CNN1: variants seen among roughly 807,000 people sequenced by gnomAD.
CNN1 encodes calponin-1.
In CNN1, 21 loss-of-function variants were observed where a neutral mutation model predicts 35.3. The ratio of observed to expected loss-of-function variants is 0.60; its 90% CI spans 0.42 to 0.86. CNN1 has a LOEUF of 0.86. CNN1 is among the 40% of genes least tolerant of loss of function. CNN1 has a pLI of 0.00. For missense variants in CNN1, 314 were observed against 400.8 expected (o/e 0.78, Z 1.85); for synonymous variants, 164 against 161.8 (o/e 1.01, Z -0.10).
At chr19:11,547,762 C>A (rs776731684) in intron 4 of CNN1, 35 bp from the exon 5 acceptor site, 2 of 1,570,994 alleles carry the variant, frequency 1.3e-6, no homozygotes, top group South Asian at 2.2e-5. Context: ...CCTGGAGGCC[C>A]CCTTGTCAGT....
rs372864211 is a variant in CNN1 at position 11,549,601 on chromosome 19, G to C, written c.700G>C (p.Gly234Arg). 3 of 1,607,302 alleles carry C rather than the reference G, an allele frequency of 1.9e-6. No homozygotes were observed. In the African/African-American group the frequency reaches 4.0e-5, roughly 21 times the overall value. Residue 234 changes from glycine to arginine, a missense_variant, in exon 7 of 7, where the codon GGC becomes CGC. Coordinates refer to ENST00000252456, the MANE Select transcript of CNN1 (RefSeq NM_001299.6). This position sits in a 1 kb window ranked among gnomAD's most constrained non-coding sequence, Gnocchi z 5.2. ...GCGGCAGATCTTCGAGCCGGGGCTGGGCATGGAGCACTGCGACACGCTCAA... is the reference window on the plus strand; with the variant it reads ...GCGGCAGATCTTCGAGCCGGGGCTGCGCATGGAGCACTGCGACACGCTCAA... ...TKRQIFEPGL[G>R]MEHCDTLNVS...
In CNN1 at chr19:11,546,989, G is replaced by A. The variant is rs750411058; in HGVS notation, c.390+20G>A. ...AGCATGGTGAGTGTGGTTGCAGGCT[G>A]GGCAGGGGGTGGTGGGCAGCCTGGG... On this transcript the variant is annotated intron_variant, in intron 4 of 6. Coordinates refer to ENST00000252456, the MANE Select transcript of CNN1 (RefSeq NM_001299.6). The A allele has an allele frequency of 1.2e-6, 2 of 1,613,674 alleles. No individual in the cohort carries two copies. Among genetic ancestry groups the A allele is most frequent in the Non-Finnish European group, 1.7e-6 (2 of 1,179,660 alleles).
At position 11,541,213 on chromosome 19, in the gene CNN1, G is replaced by A. The variant is rs758511458; in HGVS notation, c.185+16G>A. ...TTCTTTGCGAGTGAGTGAGGCTCTC[G>A]AAGCCGAGACCCTGCAACATCCCCC... On this transcript the variant is annotated intron_variant, in intron 2 of 6. Coordinates refer to ENST00000252456, the MANE Select transcript of CNN1 (RefSeq NM_001299.6). The A allele has an allele frequency of 2.0e-5, 31 of 1,544,230 alleles. No homozygotes were observed. In the South Asian group the frequency reaches 3.0e-4, roughly 15 times the overall value.
chr19:11,538,937 G>A lies in CNN1; in HGVS notation c.10G>A (p.Ala4Thr). The change falls in exon 1 of 7, where the codon GCT becomes ACT. Residue 4 changes from alanine to threonine, a missense_variant. By Grantham distance (58) the Ala-to-Thr change is moderately conservative. Transcript: ENST00000252456. MSSAHFNRGPAYGL... is the reference protein window; with the variant it reads MSSTHFNRGPAYGL... ...GAGCCCACCGGCCAGCATGTCCTCT[G>A]CTCACTTCAACCGAGGCCCTGCCTA... The A allele has an allele frequency of 6.3e-7, 1 of 1,592,818 alleles. No homozygotes were observed. The highest frequency in any genetic ancestry group is 1.4e-5 in the African/African-American group (1 of 73,986).
At chr19:11,543,640 G>A (rs142993208) in intron 2 of CNN1, among the ~76,000 whole-genome samples, 73 of 150,268 alleles carry the variant, frequency 4.9e-4, no homozygotes, top group African/African-American at 1.7e-3. Flanking sequence ...AAAATTAGCC[G>A]GGCGTGGTGG....
At position 11,549,870 on chromosome 19, in the gene CNN1, C is replaced by T. The variant is rs1972682818; in HGVS notation, c.*75C>T. On this transcript the variant is annotated 3_prime_UTR_variant, in exon 7 of 7. Transcript: ENST00000252456. This position sits in a 1 kb window ranked among gnomAD's most constrained non-coding sequence, Gnocchi z 5.2. ...TTGGCTGGACCCAGCCAGGCCCAGC[C>T]GACCCCCTCTCCCTGCATGGCATCC... 9 of 1,533,720 alleles carry T rather than the reference C, an allele frequency of 5.9e-6. No homozygotes were observed. Among genetic ancestry groups the T allele is most frequent in the African/African-American group, 2.7e-5 (2 of 72,806 alleles).
At position 11,549,567 on chromosome 19, in the gene CNN1, A is replaced by T. The variant is rs200035370; in HGVS notation, c.666A>T (p.Pro222=). ...KGASQAGMTA[P]GTKRQIFEPG... is the part of the protein sequence containing the mutation. ...CTTCGCAGGCTGGCATGACTGCGCC[A>T]GGGACCAAGCGGCAGATCTTCGAGC... Residue 222 remains proline (P), a synonymous_variant, in exon 7 of 7, where the codon CCA becomes CCT. Transcript: ENST00000252456. This position sits in a 1 kb window ranked among gnomAD's most constrained non-coding sequence, Gnocchi z 5.2. 6.3e-7 allele frequency: 1 copy of T among 1,599,692 alleles called. No homozygotes were observed. Among genetic ancestry groups the T allele is most frequent in the South Asian group, 1.1e-5 (1 of 90,004 alleles).
rs147229692 is a variant in CNN1, at chr19:11,549,385, C to G, written c.564C>G (p.Leu188=). ...CGGCCTATGGCACCCGGCGCCACCT[C>G]TACGACCCCAAGCTGGGCACAGACC... ...GMTAYGTRRH[L]YDPKLGTDQP... is the part of the protein sequence containing the mutation. The change falls in exon 6 of 7, where the codon CTC becomes CTG. Residue 188 remains leucine, a synonymous_variant. Coordinates refer to ENST00000252456, the MANE Select transcript of CNN1 (RefSeq NM_001299.6). The surrounding 1 kb of genome is among the most constrained non-coding windows in gnomAD (Gnocchi z 5.2). 28 of 1,613,930 alleles carry G rather than the reference C, an allele frequency of 1.7e-5. No individual in the cohort carries two copies. The highest frequency in any genetic ancestry group is 2.2e-5 in the East Asian group (1 of 44,880).
intron 1 of CNN1, chr19:11,539,913 C>A: frequency 8.9e-7 from 1 of 1,118,964 alleles, no homozygotes; most frequent in Non-Finnish European, 1.1e-6. Flanking sequence ...CGCGCAGAGA[C>A]GCCGCGCCTT....
At chr19:11,540,082 T>A (rs1318336945) in intron 1 of CNN1, 1 of 1,021,932 alleles carries the variant, frequency 9.8e-7, no homozygotes, top group African/African-American at 1.8e-5. Flanking sequence ...GGCAGCCCGG[T>A]CCCCTAGGGG....
At position 11,538,967 on chromosome 19, in the gene CNN1, C is replaced by T; in HGVS notation, c.40C>T (p.Leu14=). The T allele has an allele frequency of 6.3e-7, 1 of 1,596,306 alleles. No individual in the cohort carries two copies. The highest frequency in any genetic ancestry group is 8.5e-7 in the Non-Finnish European group (1 of 1,169,990). ...AHFNRGPAYG[L]SAEVKNKLAQ... is the part of the protein sequence containing the mutation. Reference sequence around the variant, plus strand: ...CTTCAACCGAGGCCCTGCCTACGGGCTGTCAGCCGAGGTTAAGAACAAGGT... The same window carrying T: ...CTTCAACCGAGGCCCTGCCTACGGGTTGTCAGCCGAGGTTAAGAACAAGGT... The change falls in exon 1 of 7, where the codon CTG becomes TTG. Residue 14 remains leucine (L), a synonymous_variant. Coordinates refer to ENST00000252456, the MANE Select transcript of CNN1 (RefSeq NM_001299.6).
intron 1 of CNN1, chr19:11,540,787 C>T: frequency 6.5e-6 from 2 of 307,088 alleles, no homozygotes; most frequent in Non-Finnish European, 1.2e-5. Context: ...GGTGCCACCC[C>T]TCTAGCTCAG....
At position 11,547,898 on chromosome 19, in the gene CNN1, T is replaced by C. The variant is rs1001253894; in HGVS notation, c.492T>C (p.Ile164=). The change falls in exon 5 of 7, where the codon ATT becomes ATC. Residue 164 remains isoleucine, a synonymous_variant. Coordinates refer to ENST00000252456, the MANE Select transcript of CNN1 (RefSeq NM_001299.6). ...AGCTAAGAGAAGGGCGGAACATCAT[T>C]GGGCTGCAGGTACCGCCCTGTCCTC... ...PGKLREGRNI[I]GLQMGTNKFA... The C allele has an allele frequency of 6.2e-7, 1 of 1,613,434 alleles. No individual in the cohort carries two copies. Among genetic ancestry groups the C allele is most frequent in the Non-Finnish European group, 8.5e-7 (1 of 1,179,728 alleles).
At chr19:11,541,289 G>A in intron 2 of CNN1, 92 bp downstream of exon 2, 2 of 1,439,380 alleles carry the variant, frequency 1.4e-6, no homozygotes, top group Non-Finnish European at 1.8e-6. Flanking sequence ...CTGGAACTGA[G>A]TTGAACACTT....
chr19:11,539,304 T>A (rs1972407148), intron 1 of CNN1: 1 of 1,135,364 alleles, frequency 8.8e-7, no homozygotes, highest in Non-Finnish European at 1.1e-6. Flanking sequence ...GGGGGAAGAC[T>A]TGTTGATTTT....
chr19:11,544,529 C>T (rs749411028), intron 2 of CNN1, among the ~76,000 whole-genome samples: 1 of 151,932 alleles, frequency 6.6e-6, no homozygotes, highest in Non-Finnish European at 1.5e-5. Flanking sequence ...TGGAGTACAG[C>T]GGTGCAATCA....
chr19:11,549,564 G>A lies in CNN1; in HGVS notation c.663G>A (p.Ala221=), dbSNP rs909420752. ...NKGASQAGMT[A]PGTKRQIFEP... is the part of the protein sequence containing the mutation. ...ACCCTTCGCAGGCTGGCATGACTGC[G>A]CCAGGGACCAAGCGGCAGATCTTCG... Residue 221 remains alanine, a synonymous_variant, in exon 7 of 7, where the codon GCG becomes GCA. Transcript: ENST00000252456. The surrounding 1 kb of genome is among the most constrained non-coding windows in gnomAD (Gnocchi z 5.2). 7 of 1,599,122 alleles carry A rather than the reference G, an allele frequency of 4.4e-6. No homozygotes were observed. The South Asian group carries it at 4.4e-5, about 10-fold the overall frequency.
In CNN1 at chr19:11,542,764, CG is replaced by C. The variant is rs371378849; in HGVS notation, c.185+1571del. Among the ~76,000 whole-genome samples the C allele has an allele frequency of 3.6e-4, 55 of 152,022 alleles. 1 individual carries two copies. The highest frequency in any genetic ancestry group is 1.3e-3 in the African/African-American group (55 of 41,448). ...CTAATTTTTGTATTTTTAGTAGAGACGGGGTTTCACCATGTTGGTCAGGCTG... is the reference window on the plus strand; with the variant it reads ...CTAATTTTTGTATTTTTAGTAGAGACGGGTTTCACCATGTTGGTCAGGCTG... On this transcript the variant is annotated intron_variant, in intron 2 of 6. Transcript: ENST00000252456.
intron 1 of CNN1, chr19:11,539,852 C>G: frequency 8.6e-7 from 1 of 1,166,378 alleles, no homozygotes; most frequent in Non-Finnish European, 1.1e-6. Context: ...AGAGACAGAT[C>G]CCAGCGCCGC....
Sources: allele counts gnomAD v4.1 joint callset (sites outside exome capture counted in the v4.1 genomes callset), GRCh38; gene constraint gnomAD v4.1.1; non-coding constraint Gnocchi (gnomAD v3.1); transcripts MANE v1.5; gene names NCBI Gene and HGNC (gene_info 2026-07-23, HGNC 2026-07-21).